SLC31A1: variants seen among roughly 807,000 people sequenced by gnomAD.
SLC31A1 encodes solute carrier family 31 member 1.
In SLC31A1, 5 loss-of-function variants were observed where a neutral mutation model predicts 17.2. That is an observed-to-expected ratio of 0.29 (90% CI 0.15 to 0.61). SLC31A1 has a LOEUF of 0.61. Among genes scored for constraint, SLC31A1 ranks in the 20% least tolerant of loss-of-function variants. SLC31A1 has a pLI of 0.86. For synonymous variants in SLC31A1, 76 were observed against 78.8 expected (o/e 0.96, Z 0.19); for missense variants, 161 against 241.4 (o/e 0.67, Z 2.21).
chr9:113,227,197 C>G (rs41297191), intron 1 of SLC31A1: 4 of 152,030 alleles, frequency 2.6e-5, no homozygotes, highest in Admixed American at 6.6e-5. Context: ...TAGCCCAGTA[C>G]TTTTACTGCC....
chr9:113,260,495 C>T lies in SLC31A1; in HGVS notation c.*22C>T, dbSNP rs765978228. ...TTGACATCAAACTCTATGGCGTGGC[C>T]TTATCGATTGCAGTGGGAAGTTGTT... On this transcript the variant is annotated 3_prime_UTR_variant, in exon 5 of 5. Transcript: ENST00000374212. 2.5e-6 allele frequency: 4 copies of T among 1,600,846 alleles called. No homozygotes were observed. The African/African-American group carries it at 5.4e-5, about 21-fold the overall frequency.
intron 1 of SLC31A1, among the ~76,000 whole-genome samples, chr9:113,253,962 T>C (rs1344808024): frequency 2.8e-5 from 4 of 144,970 alleles, no homozygotes; most frequent in Non-Finnish European, 6.1e-5. Context: ...CACAGTCTTT[T>C]TTTTTTTTTT....
intron 1 of SLC31A1, among the ~76,000 whole-genome samples, chr9:113,226,846 C>T (rs571496100): frequency 3.3e-5 from 5 of 152,172 alleles, no homozygotes; most frequent in African/African-American, 1.2e-4. Flanking sequence ...CAGTTTACAG[C>T]ATCTAGAATG....
At chr9:113,236,563 C>T (rs901327543) in intron 1 of SLC31A1, among the ~76,000 whole-genome samples, 9 of 151,430 alleles carry the variant, frequency 5.9e-5, no homozygotes, top group African/African-American at 1.5e-4. Context: ...AGGGTTTCAC[C>T]GTGTTAGCCA....
intron 1 of SLC31A1, among the ~76,000 whole-genome samples, chr9:113,252,093 A>G (rs1165052392): frequency 2.6e-5 from 4 of 152,222 alleles, no homozygotes; most frequent in African/African-American, 7.2e-5. Flanking sequence ...TGGGATTTGT[A>G]TATACCTTGC....
chr9:113,224,080 G>A (rs1179036472), intron 1 of SLC31A1, among the ~76,000 whole-genome samples: 1 of 152,170 alleles, frequency 6.6e-6, no homozygotes, highest in Non-Finnish European at 1.5e-5. Context: ...GTAGGACCCT[G>A]TTGCCTGTTT....
chr9:113,223,322 G>A, intron 1 of SLC31A1: 3 of 353,478 alleles, frequency 8.5e-6, no homozygotes, highest in South Asian at 4.0e-5. Context: ...AGGACTGGGT[G>A]CACCTAAAAA....
chr9:113,250,144 GA>G (rs1831631232), intron 1 of SLC31A1, among the ~76,000 whole-genome samples: 1 of 145,448 alleles, frequency 6.9e-6, no homozygotes. Flanking sequence ...TCTAGAACTA[GA>G]AATACCATTT....
intron 1 of SLC31A1, among the ~76,000 whole-genome samples, chr9:113,231,037 T>C (rs1831397089): frequency 6.6e-6 from 1 of 152,132 alleles, no homozygotes; most frequent in Non-Finnish European, 1.5e-5. Flanking sequence ...TTGAGGTAGA[T>C]GTCAAAGTGA....
intron 1 of SLC31A1, among the ~76,000 whole-genome samples, chr9:113,253,552 A>ATTT (rs71491085): frequency 4.7e-5 from 6 of 128,818 alleles, no homozygotes; most frequent in African/African-American, 5.8e-5. Context: ...GAGCTCTGTA[A>ATTT]TTTTTTTTTT....
Position 113,225,159 on chromosome 9 carries a change from A to T in SLC31A1, c.-36+3481A>T, listed in dbSNP as rs184227000. Among the ~76,000 whole-genome samples, 46 of 152,358 alleles carry T rather than the reference A, an allele frequency of 3.0e-4. 1 individual carries two copies. Among genetic ancestry groups the T allele is most frequent in the Non-Finnish European group, 5.9e-4 (40 of 68,028 alleles). ...GATAAGCACACTTCACAGAGGGGGAACCAGAAGTGTTGTTCCCATCACATT... is the reference window on the plus strand; with the variant it reads ...GATAAGCACACTTCACAGAGGGGGATCCAGAAGTGTTGTTCCCATCACATT... On this transcript the variant is annotated intron_variant, in intron 1 of 4. Transcript: ENST00000374212.
At chr9:113,257,280 A>G (rs1235342180) in intron 3 of SLC31A1, 95 bp downstream of exon 3, 4 of 1,026,888 alleles carry the variant, frequency 3.9e-6, no homozygotes, top group Non-Finnish European at 6.1e-6. Flanking sequence ...TGTCCTAATT[A>G]CTAAGTCAAC....
intron 1 of SLC31A1, among the ~76,000 whole-genome samples, chr9:113,247,538 A>G (rs1831595631): frequency 6.6e-6 from 1 of 152,238 alleles, no homozygotes; most frequent in Non-Finnish European, 1.5e-5. Context: ...CGTCTTGCTA[A>G]TTCCCTAACT....
intron 1 of SLC31A1, among the ~76,000 whole-genome samples, chr9:113,237,796 C>T (rs991955259): frequency 6.6e-6 from 1 of 152,120 alleles, no homozygotes; most frequent in African/African-American, 2.4e-5. Flanking sequence ...TCAGAAAAAG[C>T]GTGCATGAAA....
chr9:113,244,019 G>T (rs896766946), intron 1 of SLC31A1, among the ~76,000 whole-genome samples: 1 of 151,860 alleles, frequency 6.6e-6, no homozygotes, highest in African/African-American at 2.4e-5. Context: ...GCCAGGCGTG[G>T]TGGTGGGCAC....
chr9:113,247,294 C>T (rs1831592104), intron 1 of SLC31A1, among the ~76,000 whole-genome samples: 1 of 152,146 alleles, frequency 6.6e-6, no homozygotes, highest in South Asian at 2.1e-4. Context: ...TCTTCCTTAT[C>T]ATGGAAGCCA....
intron 1 of SLC31A1, among the ~76,000 whole-genome samples, chr9:113,242,214 T>C (rs1015676580): frequency 7.3e-5 from 11 of 150,354 alleles, no homozygotes; most frequent in Non-Finnish European, 3.0e-5. Flanking sequence ...GACGTTGGAG[T>C]ATGGCATGGA....
In SLC31A1 at chr9:113,263,815, T is replaced by C. The variant is rs900399307; in HGVS notation, c.*3342T>C. ...GCATCCCCATTGCCCACAAATGGAA[T>C]CCTCACTGTATCCACTAGGAGATTA... On this transcript the variant is annotated 3_prime_UTR_variant, in exon 5 of 5. Transcript: ENST00000374212. The C allele has an allele frequency of 1.3e-5, 2 of 152,250 alleles. No individual in the cohort carries two copies. Among genetic ancestry groups the C allele is most frequent in the African/African-American group, 2.4e-5 (1 of 41,458 alleles). 9.4% of individuals were successfully genotyped at this position (152,250 alleles called of 1,614,324 possible).
chr9:113,245,592 C>T (rs117452400), intron 1 of SLC31A1, among the ~76,000 whole-genome samples: 5 of 151,854 alleles, frequency 3.3e-5, no homozygotes, highest in Admixed American at 6.6e-5. Flanking sequence ...GGAGCTACTA[C>T]GTTTTTTCCA....
Sources: allele counts gnomAD v4.1 joint callset (sites outside exome capture counted in the v4.1 genomes callset), GRCh38; gene constraint gnomAD v4.1.1; transcripts MANE v1.5; gene names NCBI Gene and HGNC (gene_info 2026-07-23, HGNC 2026-07-21).